The following MAPKAPK5 variants were observed in gnomAD, a reference collection of about 807,000 sequenced individuals.
MAPKAPK5 encodes MAPK activated protein kinase 5.
In MAPKAPK5, 30 loss-of-function variants were observed where a neutral mutation model predicts 65.1. The ratio of observed to expected loss-of-function variants is 0.46; its 90% CI spans 0.34 to 0.63. MAPKAPK5 has a LOEUF of 0.63. Ranked by LOEUF, MAPKAPK5 falls within the 20% of genes least tolerant of loss-of-function variation. The pLI is 0.01. For synonymous variants in MAPKAPK5, 179 were observed against 204.6 expected, an observed-to-expected ratio of 0.87 and a Z score of 1.07; for missense variants, 433 against 581.4, an observed-to-expected ratio of 0.74 and a Z score of 2.63.
chr12:111,890,218 T>A (rs896346890), intron 13 of MAPKAPK5, 74 bp downstream of exon 13: 26 of 1,145,690 alleles, frequency 2.3e-5, no homozygotes, highest in Non-Finnish European at 3.2e-5. Context: ...AGGATCTCTT[T>A]GGGGCCTGAG....
In MAPKAPK5 at chr12:111,893,112, T is replaced by A; in HGVS notation, c.*51T>A. On this transcript the variant is annotated 3_prime_UTR_variant, in exon 14 of 14. Transcript: ENST00000550735. ...AACAATTTGAAAAATTATTCTTTAATGTATAAAGTAATTTTATGTAAATTA... is the reference window on the plus strand; with the variant it reads ...AACAATTTGAAAAATTATTCTTTAAAGTATAAAGTAATTTTATGTAAATTA... 8.0e-7 allele frequency: 1 copy of A among 1,248,486 alleles called. No homozygotes were observed. The highest frequency in any genetic ancestry group is 1.1e-6 in the Non-Finnish European group (1 of 896,814). The allele number at this position is 1,248,486 out of a possible 1,614,324, so 77.3% of individuals were successfully genotyped here. A position where few individuals can be genotyped will look rare whatever the true frequency, so the allele number is the denominator to read the frequency against.
chr12:111,871,511 C>T (rs950097680), intron 7 of MAPKAPK5, among the ~76,000 whole-genome samples: 4 of 151,960 alleles, frequency 2.6e-5, no homozygotes, highest in African/African-American at 4.8e-5. Context: ...AGTGTGGTGG[C>T]GCACACCTGT....
At position 111,901,376 on chromosome 12, in the gene MAPKAPK5, C is replaced by T. The variant is rs948849854; in HGVS notation, c.*8315C>T. 5 of 455,880 alleles carry T rather than the reference C, an allele frequency of 1.1e-5. No homozygotes were observed. The highest frequency in any genetic ancestry group is 2.4e-5 in the Admixed American group (1 of 42,542). 28.2% of individuals were successfully genotyped at this position (455,880 alleles called of 1,614,324 possible). A position where few individuals can be genotyped will look rare whatever the true frequency, so the allele number is the denominator to read the frequency against. ...GAAGTGGAGGTAGTGTGGACAGTGG[C>T]CCTCCTGGTAAGCTAGGTGGGACAC... On this transcript the variant is annotated 3_prime_UTR_variant, in exon 14 of 14. Coordinates refer to ENST00000550735, the MANE Select transcript of MAPKAPK5 (RefSeq NM_003668.4).
chr12:111,887,920 G>A (rs1213913854), intron 10 of MAPKAPK5: 3 of 152,954 alleles, frequency 2.0e-5, no homozygotes, highest in Non-Finnish European at 4.4e-5. Flanking sequence ...ATATTCCTAT[G>A]AAGCCTTCTG....
At chr12:111,870,964 G>A in intron 6 of MAPKAPK5, 121 bp from the exon 7 acceptor site, 1 of 676,912 alleles carries the variant, frequency 1.5e-6, no homozygotes, top group South Asian at 1.9e-5. Flanking sequence ...ATTTTCATAA[G>A]TTCGCATCTC....
At chr12:111,848,029 G>A (rs1184452291) in intron 1 of MAPKAPK5, among the ~76,000 whole-genome samples, 1 of 152,180 alleles carries the variant, frequency 6.6e-6, no homozygotes, top group Non-Finnish European at 1.5e-5. Flanking sequence ...TTTAGCTGTT[G>A]TGAATAAAGT....
At chr12:111,865,872 G>A (rs2069588804) in intron 2 of MAPKAPK5, among the ~76,000 whole-genome samples, 1 of 148,984 alleles carries the variant, frequency 6.7e-6, no homozygotes, top group African/African-American at 2.5e-5. Context: ...TGTCGAGACT[G>A]TGGGGCCACT....
chr12:111,845,138 T>C (rs1209348080), intron 1 of MAPKAPK5, among the ~76,000 whole-genome samples: 1 of 152,098 alleles, frequency 6.6e-6, no homozygotes, highest in African/African-American at 2.4e-5. Context: ...CCTATGTTTT[T>C]TTTTGATACA....
At chr12:111,847,790 T>TC (rs2136064353) in intron 1 of MAPKAPK5, among the ~76,000 whole-genome samples, 1 of 152,308 alleles carries the variant, frequency 6.6e-6, no homozygotes, top group South Asian at 2.1e-4. Flanking sequence ...TCAGCCCTGT[T>TC]CCCATTCCTC....
Position 111,900,796 on chromosome 12 carries a change from C to CCAA in MAPKAPK5, c.*7741_*7743dup, listed in dbSNP as rs750805552. 1 of 456,068 alleles carries CCAA rather than the reference C, an allele frequency of 2.2e-6. No individual in the cohort carries two copies. The highest frequency in any genetic ancestry group is 1.5e-5 in the South Asian group (1 of 64,564). The allele number at this position is 456,068 out of a possible 1,614,324, so 28.3% of individuals were successfully genotyped here. ...TGCAATGGTACATCTGCATTATGCCCCAACAACAGGCATAAGCAAGATGGC... is the reference window on the plus strand; with the variant it reads ...TGCAATGGTACATCTGCATTATGCCCCAACAACAACAGGCATAAGCAAGATGGC... On this transcript the variant is annotated 3_prime_UTR_variant, in exon 14 of 14. Coordinates refer to ENST00000550735, the MANE Select transcript of MAPKAPK5 (RefSeq NM_003668.4).
chr12:111,842,795 C>T (rs758468276), intron 1 of MAPKAPK5, 26 bp downstream of exon 1: 8 of 1,310,498 alleles, frequency 6.1e-6, no homozygotes, highest in African/African-American at 1.5e-5. Flanking sequence ...CCCCTCTTCC[C>T]CCGCGTTGTC....
intron 1 of MAPKAPK5, among the ~76,000 whole-genome samples, chr12:111,854,338 T>C (rs2069173573): frequency 6.6e-6 from 1 of 151,850 alleles, no homozygotes; most frequent in Non-Finnish European, 1.5e-5. Context: ...GCCTCCCTGG[T>C]TCAACTGATT....
rs1218523837 is a variant in MAPKAPK5 at position 111,883,682 on chromosome 12, G to A, written c.762G>A (p.Met254Ile). The change falls in exon 9 of 14, where the codon ATG (methionine) becomes ATA (isoleucine). Residue 254 changes from methionine to isoleucine, a missense_variant. Physicochemically the swap from Met to Ile is conservative, Grantham distance 10 (BLOSUM62 1). Coordinates refer to ENST00000550735, the MANE Select transcript of MAPKAPK5 (RefSeq NM_003668.4). This position sits in a 1 kb window ranked among gnomAD's most constrained non-coding sequence, Gnocchi z 4.8. ...KHHSRTIPKDMRRKIMTGSFE... is the reference protein window; with the variant it reads ...KHHSRTIPKDIRRKIMTGSFE... Reference sequence around the variant, plus strand: ...ACAGCCGGACTATCCCAAAGGATATGCGAAGAAAGATCATGACAGGCAGTT... The same window carrying A: ...ACAGCCGGACTATCCCAAAGGATATACGAAGAAAGATCATGACAGGCAGTT... The A allele has an allele frequency of 1.9e-6, 3 of 1,614,016 alleles. No individual in the cohort carries two copies. The highest frequency in any genetic ancestry group is 2.5e-6 in the Non-Finnish European group (3 of 1,179,900).
rs977830855 is a variant in MAPKAPK5, at chr12:111,899,746, A to C, written c.*6685A>C. 8.3e-5 allele frequency: 28 copies of C among 337,340 alleles called. No homozygotes were observed. Among genetic ancestry groups the C allele is most frequent in the African/African-American group, 5.6e-4 (26 of 46,722 alleles). 20.9% of individuals were successfully genotyped at this position (337,340 alleles called of 1,614,324 possible). A position where few individuals can be genotyped will look rare whatever the true frequency, so the allele number is the denominator to read the frequency against. Reference sequence around the variant, plus strand: ...GTGTCAGGTTCTTTTGTTTCTGTCAACATCTGTGCAGGTCTCAGGGGCACA... The same window carrying C: ...GTGTCAGGTTCTTTTGTTTCTGTCACCATCTGTGCAGGTCTCAGGGGCACA... On this transcript the variant is annotated 3_prime_UTR_variant, in exon 14 of 14. Coordinates refer to ENST00000550735, the MANE Select transcript of MAPKAPK5 (RefSeq NM_003668.4).
intron 7 of MAPKAPK5, among the ~76,000 whole-genome samples, chr12:111,878,439 T>A (rs886117440): frequency 6.8e-6 from 1 of 147,270 alleles, no homozygotes; most frequent in African/African-American, 2.5e-5. Context: ...TTATTTATTT[T>A]GAGACGGAGT....
rs749632585 is a variant in MAPKAPK5, at chr12:111,895,860, G to C, written c.*2799G>C. ...CTTTTCATGATGGCAAAATCTCACC[G>C]GCAACAGAAGAAAAACCAATGTTTT... On this transcript the variant is annotated 3_prime_UTR_variant, in exon 14 of 14. Coordinates refer to ENST00000550735, the MANE Select transcript of MAPKAPK5 (RefSeq NM_003668.4). 5.3e-5 allele frequency: 8 copies of C among 152,072 alleles called. No individual in the cohort carries two copies. The highest frequency in any genetic ancestry group is 1.7e-4 in the African/African-American group (7 of 41,414). The allele number at this position is 152,072 out of a possible 1,614,324, so 9.4% of individuals were successfully genotyped here.
In MAPKAPK5 at chr12:111,900,076, G is replaced by T; in HGVS notation, c.*7015G>T. 1 of 456,076 alleles carries T rather than the reference G, an allele frequency of 2.2e-6. No homozygotes were observed. The highest frequency in any genetic ancestry group is 4.4e-6 in the Non-Finnish European group (1 of 226,800). The allele number at this position is 456,076 out of a possible 1,614,324, so 28.3% of individuals were successfully genotyped here. A position where few individuals can be genotyped will look rare whatever the true frequency, so the allele number is the denominator to read the frequency against. On this transcript the variant is annotated 3_prime_UTR_variant, in exon 14 of 14. Transcript: ENST00000550735. ...GCTCTGGCCAACAGCTTCACTAGGGGAATAAACACAGAGGTGGTGCTGGCT... is the reference window on the plus strand; with the variant it reads ...GCTCTGGCCAACAGCTTCACTAGGGTAATAAACACAGAGGTGGTGCTGGCT...
chr12:111,871,018 A>G (rs1737543219), intron 6 of MAPKAPK5, 67 bp from the exon 7 acceptor site: 1 of 1,189,112 alleles, frequency 8.4e-7, no homozygotes, highest in Non-Finnish European at 1.2e-6. Flanking sequence ...CATGTCTTAC[A>G]CCTGGATTTT....
intron 7 of MAPKAPK5, among the ~76,000 whole-genome samples, chr12:111,871,615 C>T: frequency 6.6e-6 from 1 of 152,084 alleles, no homozygotes; most frequent in South Asian, 2.1e-4. Flanking sequence ...TGCACTCTAG[C>T]TTGGGCGACA....
Sources: gnomAD v4.1 joint callset for allele counts (sites outside exome capture counted in the v4.1 genomes callset) on GRCh38, gnomAD v4.1.1 for gene constraint, Gnocchi (gnomAD v3.1) non-coding constraint, MANE v1.5 for transcripts, NCBI Gene and HGNC (gene_info 2026-07-23, HGNC 2026-07-21) for gene names.